NET1: variants seen among roughly 807,000 people sequenced by gnomAD.
The protein encoded by NET1 is neuroepithelial cell transforming 1.
Under a neutral mutation model 61.1 loss-of-function variants are expected in NET1, and 42 were observed. That is an observed-to-expected ratio of 0.69 (90% confidence interval 0.54 to 0.89). The LOEUF is 0.89. Among genes scored for constraint, NET1 ranks in the 40% least tolerant of loss-of-function variants. NET1 has a pLI of 0.00. For missense variants in NET1, 654 were observed against 747.3 expected, an observed-to-expected ratio of 0.88 and a Z score of 1.46; for synonymous variants, 254 against 281.8, an observed-to-expected ratio of 0.90 and a Z score of 0.99.
In NET1 at chr10:5,452,944, A is replaced by G. The variant is rs760177655; in HGVS notation, c.594+24A>G. On this transcript the variant is annotated intron_variant, in intron 6 of 11. Transcript: ENST00000355029. This position sits in a 1 kb window ranked among gnomAD's most constrained non-coding sequence, Gnocchi z 4.0. Reference sequence around the variant, plus strand: ...AGGTCAGTAAATAACTTTTTATCAGATGCCCTAGTTTTTAAAAATTACATT... The same window carrying G: ...AGGTCAGTAAATAACTTTTTATCAGGTGCCCTAGTTTTTAAAAATTACATT... 1 of 1,447,400 alleles carries G rather than the reference A, an allele frequency of 6.9e-7. No individual in the cohort carries two copies. Among genetic ancestry groups the G allele is most frequent in the African/African-American group, 1.4e-5 (1 of 71,494 alleles). The allele number at this position is 1,447,400 out of a possible 1,614,324, so 89.7% of individuals were successfully genotyped here.
In NET1 at chr10:5,417,621, A is replaced by C. The variant is rs1467935745; in HGVS notation, c.128+4801A>C. On this transcript the variant is annotated intron_variant, in intron 1 of 11. Transcript: ENST00000355029. This position sits in a 1 kb window ranked among gnomAD's most constrained non-coding sequence, Gnocchi z 5.5. Reference sequence around the variant, plus strand: ...TACAGGGTCATGTCATCAGCAAATAAAAATAGTTTTACTTCTTTTTCCAAT... The same window carrying C: ...TACAGGGTCATGTCATCAGCAAATACAAATAGTTTTACTTCTTTTTCCAAT... Among the ~76,000 whole-genome samples, 2 of 152,156 alleles carry C rather than the reference A, an allele frequency of 1.3e-5. No homozygotes were observed. Among genetic ancestry groups the C allele is most frequent in the Non-Finnish European group, 2.9e-5 (2 of 68,028 alleles).
intron 3 of NET1, among the ~76,000 whole-genome samples, chr10:5,433,434 C>T (rs1588429819): frequency 2.0e-5 from 3 of 152,302 alleles, no homozygotes; most frequent in Middle Eastern, 6.8e-3. Context: ...AAAGTATTGA[C>T]TCTCTGGCCC....
chr10:5,412,815 CGGGAGGTGAGTGTGG>C lies in NET1; in HGVS notation c.128+2_128+16del, dbSNP rs1251670861. ...CCGACACCTCCGGGTCGGAGCTGGA[CGGGAGGTGAGTGTGG>C]GGGAGGGGAGGGCCGAACGGGAGGT... On this transcript the variant is annotated splice_donor_variant and splice_donor_5th_base_variant and coding_sequence_variant and intron_variant, in exon 1 of 12. Transcript: ENST00000355029. LOFTEE classifies it high-confidence loss of function. This position sits in a 1 kb window ranked among gnomAD's most constrained non-coding sequence, Gnocchi z 6.5. 7.5e-7 allele frequency: 1 copy of C among 1,328,988 alleles called. No individual in the cohort carries two copies. Among genetic ancestry groups the C allele is most frequent in the Non-Finnish European group, 9.7e-7 (1 of 1,034,872 alleles). 82.3% of individuals were successfully genotyped at this position (1,328,988 alleles called of 1,614,324 possible).
At position 5,429,253 on chromosome 10, in the gene NET1, GA is replaced by G. The variant is rs762587235; in HGVS notation, c.255+28del. ...AGGTAAGCCCTGCTGCCCTGTTAAA[GA>G]AAAGCATTTAAAAATATGCAGATAG... is the stretch of plus-strand genomic sequence containing the variant. On this transcript the variant is annotated intron_variant, in intron 3 of 11. Transcript: ENST00000355029. 2.6e-6 allele frequency: 4 copies of G among 1,515,288 alleles called. No homozygotes were observed. The African/African-American group carries it at 5.6e-5, about 21-fold the overall frequency. 93.9% of individuals were successfully genotyped at this position (1,515,288 alleles called of 1,614,324 possible). A position where few individuals can be genotyped will look rare whatever the true frequency, so the allele number is the denominator to read the frequency against.
chr10:5,430,567 G>A (rs1352301161), intron 3 of NET1, among the ~76,000 whole-genome samples: 1 of 151,886 alleles, frequency 6.6e-6, no homozygotes, highest in Non-Finnish European at 1.5e-5. Context: ...TAGAGACAGG[G>A]TTTTGCCATG....
In NET1 at chr10:5,426,830, G is replaced by A. The variant is rs1832265605; in HGVS notation, c.195+109G>A. On this transcript the variant is annotated intron_variant, in intron 2 of 11. Transcript: ENST00000355029. The surrounding 1 kb of genome is among the most constrained non-coding windows in gnomAD (Gnocchi z 4.6). ...GGTCCTTACTTCTGAGGGTCTTGAG[G>A]AACAGAATTCCTGTAACCATCTTTG... is the stretch of plus-strand genomic sequence containing the variant. 1.5e-6 allele frequency: 1 copy of A among 646,600 alleles called. No homozygotes were observed. Among genetic ancestry groups the A allele is most frequent in the Non-Finnish European group, 2.5e-6 (1 of 404,244 alleles). 40.1% of individuals were successfully genotyped at this position (646,600 alleles called of 1,614,324 possible).
chr10:5,429,500 T>C (rs1462799859), intron 3 of NET1, among the ~76,000 whole-genome samples: 3 of 152,146 alleles, frequency 2.0e-5, no homozygotes, highest in African/African-American at 7.2e-5. Context: ...CAGGCTGTAA[T>C]CTGTGCGAAG....
Position 5,444,088 on chromosome 10 carries a change from G to A in NET1, c.256-7742G>A, listed in dbSNP as rs960226892. 6.6e-6 allele frequency among the ~76,000 whole-genome samples: 1 copy of A among 152,192 alleles called. No individual in the cohort carries two copies. Among genetic ancestry groups the A allele is most frequent in the African/African-American group, 2.4e-5 (1 of 41,436 alleles). On this transcript the variant is annotated intron_variant, in intron 3 of 11. Transcript: ENST00000355029. The surrounding 1 kb of genome is among the most constrained non-coding windows in gnomAD (Gnocchi z 5.3). The stretch of plus-strand genomic sequence containing the variant: ...GGTAGATCACTGTTCTTAAAATTAA[G>A]AGTAAAATTAGGAGTCCACAATCGC...
chr10:5,432,585 A>G (rs557336443), intron 3 of NET1, among the ~76,000 whole-genome samples: 1 of 126,892 alleles, frequency 7.9e-6, no homozygotes, highest in African/African-American at 2.9e-5. Context: ...TTATTGTTTA[A>G]GAATTACTGC....
At position 5,437,963 on chromosome 10, in the gene NET1, T is replaced by C. The variant is rs1241533383; in HGVS notation, c.255+8734T>C. On this transcript the variant is annotated intron_variant, in intron 3 of 11. Transcript: ENST00000355029. The surrounding 1 kb of genome is among the most constrained non-coding windows in gnomAD (Gnocchi z 4.3). The stretch of plus-strand genomic sequence containing the variant: ...GTAACAAAAGGAAATCTAAAAAATT[T>C]ATAAGTATGTGGAAATTAAACAACA... Among the ~76,000 whole-genome samples the C allele has an allele frequency of 2.0e-5, 3 of 152,190 alleles. No individual in the cohort carries two copies. Among genetic ancestry groups the C allele is most frequent in the Admixed American group, 6.5e-5 (1 of 15,276 alleles).
At position 5,454,175 on chromosome 10, in the gene NET1, C is replaced by T; in HGVS notation, c.769-90C>T. 7.8e-7 allele frequency: 1 copy of T among 1,289,926 alleles called. No homozygotes were observed. The highest frequency in any genetic ancestry group is 1.4e-5 in the South Asian group (1 of 69,466). 79.9% of individuals were successfully genotyped at this position (1,289,926 alleles called of 1,614,324 possible). A position where few individuals can be genotyped will look rare whatever the true frequency, so the allele number is the denominator to read the frequency against. ...AGCTTGTTAAAACTCTCAAGAATAG[C>T]TGTACATTTTGTGTTTCATGTTTGC... On this transcript the variant is annotated intron_variant, in intron 8 of 11. Transcript: ENST00000355029. The surrounding 1 kb of genome is among the most constrained non-coding windows in gnomAD (Gnocchi z 8.1).
chr10:5,414,026 T>G (rs1225494599), intron 1 of NET1, among the ~76,000 whole-genome samples: 2 of 152,198 alleles, frequency 1.3e-5, no homozygotes, highest in East Asian at 3.8e-4. Flanking sequence ...CCCTGAGTCT[T>G]TAAGGACCAG....
At chr10:5,434,695 CTTT>C (rs11288889) in intron 3 of NET1, among the ~76,000 whole-genome samples, 4 of 104,414 alleles carry the variant, frequency 3.8e-5, no homozygotes, top group Non-Finnish European at 4.2e-5. Flanking sequence ...TGTGGGTTTT[CTTT>C]TTTTTTTTTT....
Position 5,456,368 on chromosome 10 carries a change from C to T in NET1, c.1384+95C>T. 5 of 1,231,158 alleles carry T rather than the reference C, an allele frequency of 4.1e-6. No individual in the cohort carries two copies. The highest frequency in any genetic ancestry group is 5.5e-6 in the Non-Finnish European group (5 of 903,152). The allele number at this position is 1,231,158 out of a possible 1,614,324, so 76.3% of individuals were successfully genotyped here. A position where few individuals can be genotyped will look rare whatever the true frequency, so the allele number is the denominator to read the frequency against. On this transcript the variant is annotated intron_variant, in intron 11 of 11. Coordinates refer to ENST00000355029, the MANE Select transcript of NET1 (RefSeq NM_001047160.3). This position sits in a 1 kb window ranked among gnomAD's most constrained non-coding sequence, Gnocchi z 7.0. ...TAAGAATTCTAGAGATGAAATGGCT[C>T]CATTGTCCTATACTTGTTACATCCA... is the stretch of plus-strand genomic sequence containing the variant.
At chr10:5,434,013 TCTGTAATTTTCTTAATTTACTTCACG>T (rs1832387195) in intron 3 of NET1, among the ~76,000 whole-genome samples, 1 of 152,160 alleles carries the variant, frequency 6.6e-6, no homozygotes, top group African/African-American at 2.4e-5. Context: ...CTTCAGAGCT[TCTGTAATTTTCTTAATTTACTTCACG>T]CTGTAGAGAC....
chr10:5,436,856 A>G (rs1361676296), intron 3 of NET1, among the ~76,000 whole-genome samples: 1 of 152,186 alleles, frequency 6.6e-6, no homozygotes, highest in Non-Finnish European at 1.5e-5. Flanking sequence ...TGATTTAGCT[A>G]TGATTTCTAC....
intron 3 of NET1, among the ~76,000 whole-genome samples, chr10:5,450,151 G>A (rs887866630): frequency 3.9e-5 from 6 of 152,298 alleles, no homozygotes; most frequent in South Asian, 2.1e-4. Flanking sequence ...TACATATCGC[G>A]AAGGTTTCTT....
rs907566427 is a variant in NET1 at position 5,446,615 on chromosome 10, C to T, written c.256-5215C>T. 3 of 1,251,576 alleles carry T rather than the reference C, an allele frequency of 2.4e-6. No individual in the cohort carries two copies. Among genetic ancestry groups the T allele is most frequent in the South Asian group, 6.1e-5 (2 of 32,978 alleles). 77.5% of individuals were successfully genotyped at this position (1,251,576 alleles called of 1,614,324 possible). A position where few individuals can be genotyped will look rare whatever the true frequency, so the allele number is the denominator to read the frequency against. ...CTTGCTGCCTGCGGCTCTCAGAAGCCTCTGCTCCACCGCGGCGAGAGGCAT... is the reference window on the plus strand; with the variant it reads ...CTTGCTGCCTGCGGCTCTCAGAAGCTTCTGCTCCACCGCGGCGAGAGGCAT... On this transcript the variant is annotated intron_variant, in intron 3 of 11. Transcript: ENST00000355029. The surrounding 1 kb of genome is among the most constrained non-coding windows in gnomAD (Gnocchi z 5.0).
chr10:5,452,281 T>TAA lies in NET1; in HGVS notation c.364-69_364-68dup. On this transcript the variant is annotated intron_variant, in intron 4 of 11. Transcript: ENST00000355029. This position sits in a 1 kb window ranked among gnomAD's most constrained non-coding sequence, Gnocchi z 4.0. ...CTCAGAACTTTGTCTTTCTTCACTT[T>TAA]AAAAAAAAAGAAAATGGGAATAATT... 10 of 1,251,434 alleles carry TAA rather than the reference T, an allele frequency of 8.0e-6. No individual in the cohort carries two copies. The East Asian group carries it at 1.6e-4, about 21-fold the overall frequency. The allele number at this position is 1,251,434 out of a possible 1,614,324, so 77.5% of individuals were successfully genotyped here.
Sources: allele counts gnomAD v4.1 joint callset (sites outside exome capture counted in the v4.1 genomes callset), GRCh38; gene constraint gnomAD v4.1.1; non-coding constraint Gnocchi (gnomAD v3.1); transcripts MANE v1.5; gene names NCBI Gene and HGNC (gene_info 2026-07-23, HGNC 2026-07-21).